Variants in BMPR1B observed in about 807,000 individuals in gnomAD.
BMPR1B encodes bone morphogenetic protein receptor type 1B.
Under a neutral mutation model 59.1 loss-of-function variants are expected in BMPR1B, and 12 were observed. The observed-to-expected ratio is 0.20, with a 90% CI of 0.13 to 0.33. The LOEUF is 0.33. BMPR1B is among the 10% of genes least tolerant of loss of function. The pLI, the probability that BMPR1B is intolerant of heterozygous loss-of-function variation, is 1.00. For synonymous variants in BMPR1B, 237 were observed against 207.3 expected (o/e 1.14, Z -1.23); for missense variants, 550 against 610.9 (o/e 0.90, Z 1.05).
intron 1 of BMPR1B, among the ~76,000 whole-genome samples, chr4:94,799,967 G>A (rs959465265): frequency 2.0e-5 from 3 of 152,258 alleles, no homozygotes; most frequent in Non-Finnish European, 1.5e-5. Context: ...TGAGGTTACA[G>A]GCATGAGCCA....
intron 1 of BMPR1B, among the ~76,000 whole-genome samples, chr4:94,863,364 T>C (rs1358969696): frequency 6.6e-6 from 1 of 152,162 alleles, no homozygotes; most frequent in Non-Finnish European, 1.5e-5. Context: ...GTAATAGAAA[T>C]AGTGCTTCTG....
chr4:94,914,421 T>A (rs1560544719), intron 2 of BMPR1B, among the ~76,000 whole-genome samples: 1 of 152,078 alleles, frequency 6.6e-6, no homozygotes, highest in Non-Finnish European at 1.5e-5. Context: ...TAAACAAGGA[T>A]GAAAGAGTAT....
intron 3 of BMPR1B, among the ~76,000 whole-genome samples, chr4:95,055,292 TTAG>T (rs1179051616): frequency 6.6e-6 from 1 of 152,184 alleles, no homozygotes; most frequent in Non-Finnish European, 1.5e-5. Flanking sequence ...ACATTTTTTT[TTAG>T]TATAATCAGG....
chr4:95,111,238 A>G (rs993713008), intron 4 of BMPR1B, among the ~76,000 whole-genome samples: 1 of 152,116 alleles, frequency 6.6e-6, no homozygotes. Context: ...TTTAACTAAT[A>G]CTTTAAATAA....
chr4:95,070,339 G>T (rs1448797483), intron 3 of BMPR1B, among the ~76,000 whole-genome samples: 1 of 152,056 alleles, frequency 6.6e-6, no homozygotes, highest in East Asian at 1.9e-4. Context: ...TTGATGGATT[G>T]GGCATAGCGA....
chr4:95,058,090 G>A (rs1727066829), intron 3 of BMPR1B, among the ~76,000 whole-genome samples: 1 of 152,130 alleles, frequency 6.6e-6, no homozygotes, highest in Non-Finnish European at 1.5e-5. Flanking sequence ...CTAGGACATT[G>A]TTATATGTAA....
chr4:94,820,851 A>G (rs1352421991), intron 1 of BMPR1B, among the ~76,000 whole-genome samples: 1 of 152,246 alleles, frequency 6.6e-6, no homozygotes, highest in African/African-American at 2.4e-5. Context: ...GCTAACTTCA[A>G]CCATATAACA....
In BMPR1B at chr4:95,030,421, A is replaced by G. The variant is rs1409352552; in HGVS notation, c.-18+34287A>G. ...TTCTCAGGTTTGTCAAAGATCAGAT[A>G]GTTGTAGATATGTGGTGTTATTTCT... On this transcript the variant is annotated intron_variant, in intron 3 of 12. Coordinates refer to ENST00000515059, the MANE Select transcript of BMPR1B (RefSeq NM_001203.3). 3.3e-5 allele frequency among the ~76,000 whole-genome samples: 5 copies of G among 152,146 alleles called. No homozygotes were observed. The East Asian group carries it at 9.6e-4, about 29-fold the overall frequency.
At chr4:95,052,960 C>A (rs1435487490) in intron 3 of BMPR1B, among the ~76,000 whole-genome samples, 1 of 152,090 alleles carries the variant, frequency 6.6e-6, no homozygotes, top group Non-Finnish European at 1.5e-5. Context: ...ATTCTCATTC[C>A]TCTATTCTAG....
chr4:94,948,508 A>T (rs903516461), intron 2 of BMPR1B, among the ~76,000 whole-genome samples: 5 of 152,226 alleles, frequency 3.3e-5, no homozygotes, highest in African/African-American at 1.2e-4. Context: ...CTTTTGAGGT[A>T]TCTAATCCAC....
chr4:95,051,607 A>AAGAGTGGCAGC (rs1290145717), intron 3 of BMPR1B: 5 of 1,198,940 alleles, frequency 4.2e-6, no homozygotes, highest in Admixed American at 4.0e-5. Flanking sequence ...AAGATCTGAC[A>AAGAGTGGCAGC]AGAGTGGCAG....
intron 2 of BMPR1B, among the ~76,000 whole-genome samples, chr4:94,890,438 T>C (rs907817392): frequency 1.3e-5 from 2 of 152,120 alleles, no homozygotes; most frequent in African/African-American, 4.8e-5. Flanking sequence ...CTAACTCCAC[T>C]TCCAAACCTC....
chr4:95,154,004 T>A (rs1735238833), intron 12 of BMPR1B, among the ~76,000 whole-genome samples: 1 of 152,228 alleles, frequency 6.6e-6, no homozygotes, highest in Admixed American at 6.5e-5. Context: ...TGTTACTTGA[T>A]ATCTCTTCAC....
At chr4:94,806,988 T>C (rs1026230203) in intron 1 of BMPR1B, among the ~76,000 whole-genome samples, 5 of 152,106 alleles carry the variant, frequency 3.3e-5, no homozygotes, top group African/African-American at 1.2e-4. Context: ...TTGTTGCCAG[T>C]TATTTGTGCA....
chr4:95,131,106 T>C (rs1392968781), intron 9 of BMPR1B, 109 bp from the exon 10 acceptor site: 8 of 1,182,020 alleles, frequency 6.8e-6, no homozygotes, highest in Non-Finnish European at 9.7e-6. Context: ...GGAAATTGAA[T>C]GAAATGCTAA....
chr4:95,129,222 T>C (rs3796439), intron 8 of BMPR1B, among the ~76,000 whole-genome samples: 97,523 of 152,000 alleles, frequency 0.64, 31,777 homozygotes, highest in Middle Eastern at 0.75. Context: ...TAGTACCATT[T>C]GATGCTCTCT....
chr4:95,084,551 T>C (rs563861473), intron 3 of BMPR1B, among the ~76,000 whole-genome samples: 205 of 152,276 alleles, frequency 1.3e-3, no homozygotes, highest in African/African-American at 4.9e-3. Context: ...TTGTAGTGTT[T>C]TGGAATATTT....
At chr4:95,059,658 G>A (rs1394221871) in intron 3 of BMPR1B, among the ~76,000 whole-genome samples, 1 of 150,050 alleles carries the variant, frequency 6.7e-6, no homozygotes, top group African/African-American at 2.4e-5. Flanking sequence ...ATCTTTTTTT[G>A]TTAAATAAAC....
intron 1 of BMPR1B, among the ~76,000 whole-genome samples, chr4:94,769,938 A>G (rs905668788): frequency 1.2e-4 from 18 of 152,292 alleles, no homozygotes; most frequent in Middle Eastern, 3.4e-3. Flanking sequence ...TCTTCACTTC[A>G]TATTTCTCCT....
Sources: allele counts gnomAD v4.1 joint callset (sites outside exome capture counted in the v4.1 genomes callset), GRCh38; gene constraint gnomAD v4.1.1; transcripts MANE v1.5; gene names NCBI Gene and HGNC (gene_info 2026-07-23, HGNC 2026-07-21).